The following AHCTF1 variants were observed in gnomAD, a reference collection of about 807,000 sequenced individuals.
The protein encoded by AHCTF1 is protein ELYS.
A neutral mutation model predicts 248.4 loss-of-function variants in AHCTF1; 24 were observed. That is an observed-to-expected ratio of 0.10 (90% CI 0.07 to 0.14). AHCTF1 has a LOEUF of 0.14. AHCTF1 is among the 10% of genes least tolerant of loss of function. The pLI is 1.00. For missense variants in AHCTF1, 2,206 were observed against 2,636.2 expected, an observed-to-expected ratio of 0.84 and a Z score of 3.57; for synonymous variants, 786 against 929.8, an observed-to-expected ratio of 0.85 and a Z score of 2.81.
At chr1:246,841,109 T>G (rs996523970) in intron 35 of AHCTF1, 111 bp from the exon 36 acceptor site, 6 of 867,364 alleles carry the variant, frequency 6.9e-6, no homozygotes, top group African/African-American at 5.3e-5. Flanking sequence ...GCTTTCATTT[T>G]ATAAAAGATG....
intron 14 of AHCTF1, among the ~76,000 whole-genome samples, chr1:246,892,953 C>T (rs1664323382): frequency 6.6e-6 from 1 of 152,042 alleles, no homozygotes; most frequent in Non-Finnish European, 1.5e-5. Context: ...ATCTCTAATA[C>T]TTTTAAAACA....
rs150504092 is a variant in AHCTF1 at position 246,903,970 on chromosome 1, T to C, written c.945A>G (p.Ala315=). The C allele has an allele frequency of 3.6e-5, 58 of 1,614,062 alleles. No individual in the cohort carries two copies. The African/African-American group carries it at 3.9e-4, about 11-fold the overall frequency. The stretch of plus-strand genomic sequence containing the variant: ...TTACCTCATATAAGATTTGTCCTGA[T>C]GCCAAACACTTTCTATTACCAAAGG... ...QLAFGNRKCL[A]SGQILYEGLE... is the part of the protein sequence containing the mutation. Residue 315 remains alanine, a synonymous_variant, in exon 7 of 36, where the codon GCA becomes GCG. Transcript: ENST00000648844.
chr1:246,879,487 T>C (rs759971265), intron 21 of AHCTF1, among the ~76,000 whole-genome samples: 1 of 152,148 alleles, frequency 6.6e-6, no homozygotes, highest in Non-Finnish European at 1.5e-5. Context: ...TTGTTTAAAA[T>C]GGCTAAAGGT....
At chr1:246,888,341 C>T in intron 18 of AHCTF1, 53 bp downstream of exon 18, 1 of 1,611,998 alleles carries the variant, frequency 6.2e-7, no homozygotes. Context: ...AGCATGTCTC[C>T]TCCCTCCCCA....
rs12748665 is a variant in AHCTF1, at chr1:246,875,954, A to C, written c.3088+83T>G. On this transcript the variant is annotated intron_variant, in intron 24 of 35. Transcript: ENST00000648844. Reference sequence around the variant, plus strand: ...CTGTATGTGTTAGCGAAAGTAGCTAAATTTAAGGTGGTTTCAGAAAAGTAA... The same window carrying C: ...CTGTATGTGTTAGCGAAAGTAGCTACATTTAAGGTGGTTTCAGAAAAGTAA... The C allele has an allele frequency of 0.23, 309,638 of 1,343,248 alleles. 36,737 individuals carry two copies. Among genetic ancestry groups the C allele is most frequent in the Admixed American group, 0.32 (13,107 of 40,868 alleles). 83.2% of individuals were successfully genotyped at this position (1,343,248 alleles called of 1,614,324 possible).
At chr1:246,905,681 T>C (rs1269781460) in intron 5 of AHCTF1, 24 bp from the exon 6 acceptor site, 5 of 1,559,820 alleles carry the variant, frequency 3.2e-6, no homozygotes, top group East Asian at 4.6e-5. Flanking sequence ...GTATATTTCA[T>C]ATTTTTAAGT....
Position 246,894,641 on chromosome 1 carries a change from T to C in AHCTF1, c.1804+18A>G, listed in dbSNP as rs752692676. ...TTAATATTAAATTCTGTCCTACATC[T>C]AGACCTCTAATACTTACATAGTCTG... On this transcript the variant is annotated intron_variant, in intron 14 of 35. Transcript: ENST00000648844. The C allele has an allele frequency of 6.3e-7, 1 of 1,586,106 alleles. No individual in the cohort carries two copies. The highest frequency in any genetic ancestry group is 8.6e-7 in the Non-Finnish European group (1 of 1,156,646).
chr1:246,849,706 C>T lies in AHCTF1; in HGVS notation c.6300G>A (p.Arg2100=). The T allele has an allele frequency of 6.2e-7, 1 of 1,613,990 alleles. No homozygotes were observed. Among genetic ancestry groups the T allele is most frequent in the Middle Eastern group, 1.7e-4 (1 of 6,056 alleles). ...CCGGCAACAAGATGGCCTTGCTAGACCGAGTCCTGCTGCTGCGGGATGATT... is the reference window on the plus strand; with the variant it reads ...CCGGCAACAAGATGGCCTTGCTAGATCGAGTCCTGCTGCTGCGGGATGATT... ...FTKSSRSSRT[R]SSKAILLPDL... The change falls in exon 33 of 36, where the codon CGG becomes CGA. Residue 2100 remains arginine (R), a synonymous_variant. Coordinates refer to ENST00000648844, the MANE Select transcript of AHCTF1 (RefSeq NM_001323342.2).
intron 10 of AHCTF1, 93 bp from the exon 11 acceptor site, chr1:246,899,605 G>T (rs367764687): frequency 1.2e-6 from 1 of 857,528 alleles, no homozygotes; most frequent in Non-Finnish European, 1.8e-6. Flanking sequence ...GCAAGGCAAG[G>T]TGTCAAATTA....
chr1:246,885,183 T>C (rs1663727305), intron 21 of AHCTF1, among the ~76,000 whole-genome samples: 1 of 152,242 alleles, frequency 6.6e-6, no homozygotes, highest in Non-Finnish European at 1.5e-5. Flanking sequence ...TAAAATATTA[T>C]ACAGTTGTCC....
At position 246,845,765 on chromosome 1, in the gene AHCTF1, T is replaced by C. The variant is rs149130949; in HGVS notation, c.6392-1837A>G. Among the ~76,000 whole-genome samples the C allele has an allele frequency of 2.5e-4, 38 of 152,286 alleles. No homozygotes were observed. In the Middle Eastern group the frequency reaches 0.01, roughly 41 times the overall value. On this transcript the variant is annotated intron_variant, in intron 33 of 35. Coordinates refer to ENST00000648844, the MANE Select transcript of AHCTF1 (RefSeq NM_001323342.2). The stretch of plus-strand genomic sequence containing the variant: ...TGAGGATTAAGGAGTTCAAAAGGCC[T>C]AGGTTCAAACCCAACTGTGTCCTAG...
chr1:246,913,320 T>C lies in AHCTF1; in HGVS notation c.468A>G (p.Ala156=). The part of the protein sequence containing the change: ...HPSLRWLFGV[A]AVVTDVGQIL... The stretch of plus-strand genomic sequence containing the variant: ...TCTGTCCAACATCAGTGACCACAGC[T>C]GCCACTCCAAAAAGCCATCGCAGAC... The change falls in exon 4 of 36, where the codon GCA becomes GCG. Residue 156 remains alanine, a synonymous_variant. Transcript: ENST00000648844. 1.2e-6 allele frequency: 2 copies of C among 1,614,060 alleles called. No individual in the cohort carries two copies. Among genetic ancestry groups the C allele is most frequent in the Non-Finnish European group, 1.7e-6 (2 of 1,179,924 alleles).
intron 5 of AHCTF1, among the ~76,000 whole-genome samples, chr1:246,907,299 T>TA (rs1665463587): frequency 1.3e-5 from 2 of 152,230 alleles, no homozygotes; most frequent in African/African-American, 4.8e-5. Context: ...ACTAGCATGT[T>TA]AAACACATGA....
intron 24 of AHCTF1, among the ~76,000 whole-genome samples, chr1:246,872,954 C>A (rs1662702657): frequency 6.6e-6 from 1 of 152,184 alleles, no homozygotes; most frequent in Admixed American, 6.5e-5. Context: ...ATCCAAATCG[C>A]CTCCAGACCA....
At chr1:246,930,584 T>C (rs564591272) in intron 1 of AHCTF1, among the ~76,000 whole-genome samples, 3 of 140,274 alleles carry the variant, frequency 2.1e-5, no homozygotes. Context: ...AAAAAAACAG[T>C]TTAAAAAAAA....
chr1:246,880,392 C>T (rs1030298873), intron 21 of AHCTF1, among the ~76,000 whole-genome samples: 11 of 151,740 alleles, frequency 7.2e-5, no homozygotes, highest in African/African-American at 2.7e-4. Context: ...GTAAAAACCC[C>T]GTCTCTACTA....
intron 24 of AHCTF1, among the ~76,000 whole-genome samples, chr1:246,870,956 C>G (rs556020281): frequency 3.3e-5 from 5 of 152,176 alleles, no homozygotes; most frequent in African/African-American, 1.2e-4. Flanking sequence ...AACAATACAA[C>G]TGAGCCTTCG....
At chr1:246,852,484 AT>A (rs200751034) in intron 32 of AHCTF1, among the ~76,000 whole-genome samples, 53 of 150,888 alleles carry the variant, frequency 3.5e-4, no homozygotes, top group African/African-American at 1.0e-3. Context: ...GTATAATAGA[AT>A]TTTTTTTTTA....
intron 12 of AHCTF1, among the ~76,000 whole-genome samples, chr1:246,897,487 TAG>T (rs1664667574): frequency 6.6e-6 from 1 of 152,224 alleles, no homozygotes; most frequent in Non-Finnish European, 1.5e-5. Flanking sequence ...AATGTTTCGT[TAG>T]GTGTTTCATT....
Sources: allele counts gnomAD v4.1 joint callset (sites outside exome capture counted in the v4.1 genomes callset), GRCh38; gene constraint gnomAD v4.1.1; transcripts MANE v1.5; gene names NCBI Gene and HGNC (gene_info 2026-07-23, HGNC 2026-07-21).